The following AHNAK variants were observed in gnomAD, a reference collection of about 807,000 sequenced individuals.
AHNAK encodes AHNAK nucleoprotein.
A neutral mutation model predicts 37.8 loss-of-function variants in AHNAK; 23 were observed. The observed-to-expected ratio is 0.61, with a 90% confidence interval of 0.44 to 0.86. The LOEUF (loss-of-function observed/expected upper bound fraction) is 0.86, where lower values mean the gene tolerates loss of function less well. Ranked by LOEUF, AHNAK falls within the 40% of genes least tolerant of loss-of-function variation. The pLI is 0.00. For missense variants in AHNAK, 7,411 were observed against 7,319.4 expected (o/e 1.01, Z -0.46); for synonymous variants, 2,481 against 2,636.3 (o/e 0.94, Z 1.80).
At chr11:62,437,685 G>T (rs1565193781) in intron 5 of AHNAK, among the ~76,000 whole-genome samples, 5 of 152,132 alleles carry the variant, frequency 3.3e-5, no homozygotes. Context: ...ATACTTAGGA[G>T]TAGAATTTCT....
intron 5 of AHNAK, among the ~76,000 whole-genome samples, chr11:62,455,060 G>T (rs1197785053): frequency 1.3e-5 from 2 of 151,468 alleles, no homozygotes; most frequent in Admixed American, 6.6e-5. Context: ...AGCCTCCCCA[G>T]TAGTTGGGAT....
At chr11:62,508,591 G>A (rs943207488) in intron 4 of AHNAK, among the ~76,000 whole-genome samples, 2 of 152,232 alleles carry the variant, frequency 1.3e-5, no homozygotes, top group African/African-American at 4.8e-5. Context: ...GAAAATAACA[G>A]AGGCATTTAA....
chr11:62,529,330 A>G lies in AHNAK; in HGVS notation c.5087T>C (p.Ile1696Thr), dbSNP rs754542098. The change falls in exon 5 of 5, where the codon ATT becomes ACT. Residue 1696 changes from isoleucine (I) to threonine (T), a missense_variant. Ile to Thr is a moderately conservative substitution (Grantham distance 89). Coordinates refer to ENST00000378024, the MANE Select transcript of AHNAK (RefSeq NM_001620.3). ...DVDIKGPKVD[I>T]DAPDVEVHDP... ...GTGAACCTCCACATCTGGGGCATCA[A>G]TGTCCACTTTGGGCCCTTTAATGTC... The G allele has an allele frequency of 9.9e-6, 16 of 1,613,912 alleles. No homozygotes were observed. The highest frequency in any genetic ancestry group is 2.2e-5 in the South Asian group (2 of 91,070).
chr11:62,521,532 G>T lies in AHNAK; in HGVS notation c.12885C>A (p.Gly4295=). 1 of 1,613,062 alleles carries T rather than the reference G, an allele frequency of 6.2e-7. No homozygotes were observed. The highest frequency in any genetic ancestry group is 8.5e-7 in the Non-Finnish European group (1 of 1,179,852). ...CAGGGGCATCGATGTCCACTTTGGG[G>T]CCCTTGATGTCAACTTCTGGGCCCT... ...DLKGPEVDIK[G]PKVDIDAPDV... Residue 4295 remains glycine, a synonymous_variant, in exon 5 of 5, where the codon GGC becomes GGA. Coordinates refer to ENST00000378024, the MANE Select transcript of AHNAK (RefSeq NM_001620.3).
At chr11:62,511,017 C>T (rs148097122), downstream of AHNAK, among the ~76,000 whole-genome samples, 313 of 152,226 alleles carry the variant, frequency 2.1e-3, 2 homozygotes, top group African/African-American at 7.2e-3. Flanking sequence ...GCTAAGGTGG[C>T]ACTCTGAAGC....
chr11:62,540,321 G>A (rs1249477837), intron 1 of AHNAK, among the ~76,000 whole-genome samples: 1 of 152,210 alleles, frequency 6.6e-6, no homozygotes, highest in African/African-American at 2.4e-5. Flanking sequence ...GTAGCTACTG[G>A]CTACTATATT....
intron 5 of AHNAK, among the ~76,000 whole-genome samples, chr11:62,467,054 C>T (rs1031636100): frequency 3.3e-5 from 5 of 151,990 alleles, no homozygotes; most frequent in African/African-American, 1.2e-4. Flanking sequence ...ATATCCAAAA[C>T]TTAGCCAGGC....
At chr11:62,495,885 C>T (rs1939599205) in intron 4 of AHNAK, among the ~76,000 whole-genome samples, 1 of 151,748 alleles carries the variant, frequency 6.6e-6, no homozygotes, top group Admixed American at 6.6e-5. Context: ...CTCGTCTCTA[C>T]TAAAAATAGA....
intron 1 of AHNAK, among the ~76,000 whole-genome samples, chr11:62,539,457 T>G (rs1402034282): frequency 1.6e-5 from 1 of 62,158 alleles, no homozygotes; most frequent in African/African-American, 6.5e-5. Flanking sequence ...CCCGCCCCAG[T>G]GAGTCACTGC....
chr11:62,499,049 G>A (rs963350964), intron 4 of AHNAK, among the ~76,000 whole-genome samples: 2 of 152,106 alleles, frequency 1.3e-5, no homozygotes, highest in Non-Finnish European at 2.9e-5. Context: ...CTTCCGCCTC[G>A]CTTCTCCCAC....
At chr11:62,467,937 T>C (rs1938948589) in intron 5 of AHNAK, among the ~76,000 whole-genome samples, 1 of 152,216 alleles carries the variant, frequency 6.6e-6, no homozygotes, top group South Asian at 2.1e-4. Flanking sequence ...CCTGAAGCCT[T>C]ATCTCAGGTC....
Position 62,536,011 on chromosome 11 carries a change from C to A in AHNAK, c.88G>T (p.Asp30Tyr). The A allele has an allele frequency of 6.2e-7, 1 of 1,612,964 alleles. No homozygotes were observed. Among genetic ancestry groups the A allele is most frequent in the Non-Finnish European group, 8.5e-7 (1 of 1,179,464 alleles). Residue 30 changes from aspartate (D) to tyrosine (Y), a missense_variant, in exon 3 of 5, where the codon GAC (aspartate) becomes TAC (tyrosine). Asp to Tyr is a radical substitution (Grantham distance 160). Transcript: ENST00000378024. ...GTCACCTCCTGCACAAAGACGCCGTCGTCCCTCTGGGCGATGGTCAGCCCG... is the reference window on the plus strand; with the variant it reads ...GTCACCTCCTGCACAAAGACGCCGTAGTCCCTCTGGGCGATGGTCAGCCCG... ...SHGLTIAQRD[D>Y]GVFVQEVTQN...
chr11:62,530,329 T>G lies in AHNAK; in HGVS notation c.4088A>C (p.Lys1363Thr), dbSNP rs765543200. Reference protein sequence around the residue: ...KVPDVDIKGPKVDISAPDVDV... With the variant: ...KVPDVDIKGPTVDISAPDVDV... ...CACATCTGGAGCACTAATGTCAACT[T>G]TGGGCCCTTTAATGTCAACATCTGG... Residue 1363 changes from lysine to threonine, a missense_variant, in exon 5 of 5, where the codon AAA becomes ACA. Lys to Thr is a moderately conservative substitution (Grantham distance 78). Coordinates refer to ENST00000378024, the MANE Select transcript of AHNAK (RefSeq NM_001620.3). The G allele has an allele frequency of 1.2e-6, 2 of 1,613,302 alleles. No homozygotes were observed. Among genetic ancestry groups the G allele is most frequent in the Non-Finnish European group, 1.7e-6 (2 of 1,179,888 alleles).
chr11:62,493,011 CTTTT>C (rs960994580), intron 4 of AHNAK, among the ~76,000 whole-genome samples: 3 of 133,316 alleles, frequency 2.3e-5, no homozygotes, highest in African/African-American at 2.8e-5. Flanking sequence ...CTTTTCTTTT[CTTTT>C]TTTTTTTTTT....
At chr11:62,501,075 A>G (rs1036743690) in intron 4 of AHNAK, among the ~76,000 whole-genome samples, 2 of 152,094 alleles carry the variant, frequency 1.3e-5, no homozygotes, top group Non-Finnish European at 2.9e-5. Context: ...TCAAAAACAC[A>G]AAACAAATTA....
chr11:62,504,420 A>G (rs1047418516), intron 4 of AHNAK, among the ~76,000 whole-genome samples: 1 of 152,074 alleles, frequency 6.6e-6, no homozygotes, highest in African/African-American at 2.4e-5. Context: ...AGGAATTTAG[A>G]CAATCCGCAC....
In AHNAK at chr11:62,524,646, G is replaced by A; in HGVS notation, c.9771C>T (p.Gly3257=). The A allele has an allele frequency of 6.2e-7, 1 of 1,614,156 alleles. No individual in the cohort carries two copies. Among genetic ancestry groups the A allele is most frequent in the Non-Finnish European group, 8.5e-7 (1 of 1,180,024 alleles). ...DLKGPALDIK[G]PKIDVDAPDI... is the part of the protein sequence containing the mutation. Reference sequence around the variant, plus strand: ...CTGGAGCATCTACATCTATCTTTGGGCCTTTTATGTCAAGAGCAGGTCCTT... The same window carrying A: ...CTGGAGCATCTACATCTATCTTTGGACCTTTTATGTCAAGAGCAGGTCCTT... The change falls in exon 5 of 5, where the codon GGC becomes GGT. Residue 3257 remains glycine (G), a synonymous_variant. Coordinates refer to ENST00000378024, the MANE Select transcript of AHNAK (RefSeq NM_001620.3).
At chr11:62,489,758 G>A (rs924631822) in intron 5 of AHNAK, among the ~76,000 whole-genome samples, 1 of 151,988 alleles carries the variant, frequency 6.6e-6, no homozygotes, top group Non-Finnish European at 1.5e-5. Context: ...GAGGTTGCCC[G>A]GAGAGAGAGT....
Position 62,524,068 on chromosome 11 carries a change from T to C in AHNAK, c.10349A>G (p.Asp3450Gly), listed in dbSNP as rs976244769. Residue 3450 changes from aspartate to glycine, a missense_variant, in exon 5 of 5, where the codon GAT becomes GGT. Physicochemically the swap from Asp to Gly is moderately conservative, Grantham distance 94 (BLOSUM62 -1). Transcript: ENST00000378024. ...AAGATTGACTTCTGGTGCCTTAATA[T>C]CCACTTTGGGGCCTTTAAAGTCACC... ...LEGDFKGPKV[D>G]IKAPEVNLNA... 1.9e-6 allele frequency: 3 copies of C among 1,614,166 alleles called. No individual in the cohort carries two copies. The highest frequency in any genetic ancestry group is 2.5e-6 in the Non-Finnish European group (3 of 1,180,026).
Sources: gnomAD v4.1 joint callset for allele counts (sites outside exome capture counted in the v4.1 genomes callset) on GRCh38, gnomAD v4.1.1 for gene constraint, MANE v1.5 for transcripts, NCBI Gene and HGNC (gene_info 2026-07-23, HGNC 2026-07-21) for gene names.